The following TRAK1 variants were observed in gnomAD, a reference collection of about 807,000 sequenced individuals.
TRAK1 encodes the protein trafficking kinesin-binding protein 1.
A neutral mutation model predicts 92.1 loss-of-function variants in TRAK1; 33 were observed. The ratio of observed to expected loss-of-function variants is 0.36; its 90% confidence interval spans 0.27 to 0.48. The LOEUF is 0.48. TRAK1 is among the 20% of genes least tolerant of loss of function. TRAK1 has a pLI of 0.99. For synonymous variants in TRAK1, 521 were observed against 517.3 expected (o/e 1.01, Z -0.10); for missense variants, 1,123 against 1,257.9 (o/e 0.89, Z 1.62).
intron 2 of TRAK1, among the ~76,000 whole-genome samples, chr3:42,144,217 TAGGAATTTGTACCCCCTTTTTA>T (rs771419177): frequency 1.8e-4 from 27 of 152,060 alleles, no homozygotes; most frequent in Non-Finnish European, 2.8e-4. Flanking sequence ...AATTGTAGCT[TAGGAATTTGTACCCCCTTTTTA>T]ATTGTTCATT....
chr3:42,053,453 G>T (rs1320773829), intron 1 of TRAK1, among the ~76,000 whole-genome samples: 2 of 151,484 alleles, frequency 1.3e-5, no homozygotes, highest in Admixed American at 1.3e-4. Context: ...TGGGGATGGG[G>T]TGGGGAGTCA....
At chr3:42,086,311 CTTT>C (rs750932535), upstream of TRAK1, among the ~76,000 whole-genome samples, 1 of 140,464 alleles carries the variant, frequency 7.1e-6, no homozygotes. Flanking sequence ...CTTTTTCTTT[CTTT>C]TTTTTTTTTT....
chr3:42,119,810 G>T (rs186426720), intron 1 of TRAK1, among the ~76,000 whole-genome samples: 13 of 152,298 alleles, frequency 8.5e-5, no homozygotes, highest in Middle Eastern at 6.8e-3. Flanking sequence ...CATCTTGGGG[G>T]TTGCATGACC....
At chr3:42,081,396 T>C (rs1483990673) in intron 1 of TRAK1, among the ~76,000 whole-genome samples, 2 of 152,218 alleles carry the variant, frequency 1.3e-5, no homozygotes, top group African/African-American at 2.4e-5. Context: ...ACCTGGGCTT[T>C]AAAGCTTCAG....
chr3:42,060,625 C>CTTTT (rs1299725245), intron 1 of TRAK1, among the ~76,000 whole-genome samples: 4 of 123,280 alleles, frequency 3.2e-5, no homozygotes, highest in South Asian at 2.6e-4. Context: ...TTTTTGGCTG[C>CTTTT]TTTTTTTTTT....
chr3:42,177,039 A>G (rs2149363551), intron 3 of TRAK1, 149 bp downstream of exon 3: 1 of 680,328 alleles, frequency 1.5e-6, no homozygotes, highest in African/African-American at 1.8e-5. Context: ...TACTTTTTGA[A>G]CTAGTAGCTA....
chr3:42,185,984 T>TG (rs2149400441), intron 4 of TRAK1, among the ~76,000 whole-genome samples: 1 of 76,024 alleles, frequency 1.3e-5, no homozygotes, highest in Admixed American at 1.8e-4. Context: ...TTTTTTTTTT[T>TG]TTTTTTTTTT....
intron 2 of TRAK1, among the ~76,000 whole-genome samples, chr3:42,137,797 C>A (rs1576557857): frequency 6.6e-6 from 1 of 152,148 alleles, no homozygotes; most frequent in East Asian, 1.9e-4. Context: ...GGAGACCCAC[C>A]AGTCCTGCGT....
At chr3:42,035,293 C>T (rs1006380732) in intron 1 of TRAK1, among the ~76,000 whole-genome samples, 1 of 152,076 alleles carries the variant, frequency 6.6e-6, no homozygotes, top group East Asian at 1.9e-4. Flanking sequence ...TTGTAGATGG[C>T]AATTAAGACT....
intron 1 of TRAK1, among the ~76,000 whole-genome samples, chr3:42,021,011 T>C (rs1701702716): frequency 6.6e-6 from 1 of 152,220 alleles, no homozygotes; most frequent in Admixed American, 6.5e-5. Context: ...AAGGGACAGA[T>C]TCTTGTCATG....
At chr3:42,206,886 G>A (rs1468305149) in intron 13 of TRAK1, among the ~76,000 whole-genome samples, 1 of 152,162 alleles carries the variant, frequency 6.6e-6, no homozygotes, top group South Asian at 2.1e-4. Context: ...CCTTGGGAGC[G>A]GGTGAGGAGA....
At chr3:42,150,494 T>C (rs1016864386) in intron 2 of TRAK1, among the ~76,000 whole-genome samples, 2 of 152,104 alleles carry the variant, frequency 1.3e-5, no homozygotes, top group Admixed American at 1.3e-4. Flanking sequence ...ATATACACTT[T>C]GAGGGTCTGT....
chr3:42,087,945 A>G (rs187607321), upstream of TRAK1, among the ~76,000 whole-genome samples: 247 of 152,306 alleles, frequency 1.6e-3, 1 homozygote, highest in African/African-American at 5.6e-3. Flanking sequence ...CTGTGCGGGC[A>G]CTTAGTAGTA....
chr3:42,212,220 T>C, intron 14 of TRAK1: 1 of 985,438 alleles, frequency 1.0e-6, no homozygotes, highest in South Asian at 4.7e-5. Flanking sequence ...GCATCCTCTG[T>C]CTTGGGATTT....
chr3:42,223,578 C>T lies in TRAK1; in HGVS notation c.2703C>T (p.Val901=), dbSNP rs1710562638. The T allele has an allele frequency of 1.2e-6, 2 of 1,614,018 alleles. No homozygotes were observed. Among genetic ancestry groups the T allele is most frequent in the African/African-American group, 1.3e-5 (1 of 75,054 alleles). ...PEGLPLRCPT[V]TSAIGGLQLN... ...GCCTGCCCCTCAGATGCCCCACTGT[C>T]ACCAGTGCCATCGGTGGGCTGCAGC... The change falls in exon 16 of 16, where the codon GTC becomes GTT. Residue 901 remains valine (V), a synonymous_variant. Coordinates refer to ENST00000327628, the MANE Select transcript of TRAK1 (RefSeq NM_001042646.3). This position sits in a 1 kb window ranked among gnomAD's most constrained non-coding sequence, Gnocchi z 6.1.
At chr3:42,166,738 T>G (rs561711018) in intron 2 of TRAK1, among the ~76,000 whole-genome samples, 2 of 152,250 alleles carry the variant, frequency 1.3e-5, no homozygotes, top group South Asian at 4.1e-4. Flanking sequence ...GCCAGTAGAA[T>G]AGTCACACTA....
rs748826131 is a variant in TRAK1, at chr3:42,079,477, C to CT, written c.-518-7611dup. On this transcript the variant is annotated intron_variant, in intron 1 of 16. Transcript: ENST00000487159. ...TTTGTCGTGAAGGAAGCTCCTTCTT[C>CT]TTTTTTTTTTTTTTTTGTTTTGAGA... 6.3e-4 allele frequency among the ~76,000 whole-genome samples: 86 copies of CT among 136,230 alleles called. 1 individual carries two copies. The highest frequency in any genetic ancestry group is 2.4e-3 in the East Asian group (11 of 4,586). The allele number at this position is 136,230 out of a possible 152,430, so 89.4% of individuals were successfully genotyped here.
At chr3:42,147,637 G>A (rs1397297620) in intron 2 of TRAK1, among the ~76,000 whole-genome samples, 1 of 152,190 alleles carries the variant, frequency 6.6e-6, no homozygotes, top group African/African-American at 2.4e-5. Flanking sequence ...TCCATAGTGA[G>A]TGCCAAAGGG....
At chr3:42,134,036 A>G (rs942012979) in intron 2 of TRAK1, among the ~76,000 whole-genome samples, 2 of 152,220 alleles carry the variant, frequency 1.3e-5, no homozygotes, top group Non-Finnish European at 2.9e-5. Context: ...TTGGGAACAC[A>G]CACATGACCA....
Sources: allele counts gnomAD v4.1 joint callset (sites outside exome capture counted in the v4.1 genomes callset), GRCh38; gene constraint gnomAD v4.1.1; non-coding constraint Gnocchi (gnomAD v3.1); transcripts MANE v1.5; gene names NCBI Gene and HGNC (gene_info 2026-07-23, HGNC 2026-07-21).